DAB1: variants seen among roughly 807,000 people sequenced by gnomAD.
DAB1 encodes DAB adaptor protein 1.
A neutral mutation model predicts 64.6 loss-of-function variants in DAB1; 15 were observed. That is an observed-to-expected ratio of 0.23 (90% CI 0.16 to 0.36). DAB1 has a LOEUF of 0.36. Ranked by LOEUF, DAB1 falls within the 10% of genes least tolerant of loss-of-function variation. DAB1 has a pLI of 1.00. For synonymous variants in DAB1, 235 were observed against 251.9 expected (o/e 0.93, Z 0.64); for missense variants, 596 against 706.7 (o/e 0.84, Z 1.78).
chr1:58,352,056 G>A (rs1644063993), intron 3 of DAB1, among the ~76,000 whole-genome samples: 1 of 151,708 alleles, frequency 6.6e-6, no homozygotes, highest in Non-Finnish European at 1.5e-5. Context: ...TGAAGCCCTA[G>A]CCTCTCCTTT....
chr1:58,391,898 G>T (rs1018437921), intron 3 of DAB1, among the ~76,000 whole-genome samples: 2 of 152,234 alleles, frequency 1.3e-5, no homozygotes, highest in African/African-American at 4.8e-5. Flanking sequence ...TTTTATAACT[G>T]TAGTAGAAAC....
chr1:57,300,226 G>A (rs917828503), intron 1 of DAB1, among the ~76,000 whole-genome samples: 1 of 152,182 alleles, frequency 6.6e-6, no homozygotes, highest in Non-Finnish European at 1.5e-5. Context: ...CACTGTTCTA[G>A]ATGCTCAGAA....
At chr1:57,159,202 T>C (rs1660511245) in intron 2 of DAB1, among the ~76,000 whole-genome samples, 1 of 152,184 alleles carries the variant, frequency 6.6e-6, no homozygotes, top group Admixed American at 6.5e-5. Flanking sequence ...GGGTCTTTTA[T>C]TGTATTTGAA....
intron 7 of DAB1, among the ~76,000 whole-genome samples, chr1:57,478,491 A>G (rs1410071555): frequency 6.6e-6 from 1 of 151,480 alleles, no homozygotes; most frequent in East Asian, 2.0e-4. Context: ...CATTTTAATG[A>G]GTGCCTACTA....
intron 6 of DAB1, among the ~76,000 whole-genome samples, chr1:57,755,190 T>C (rs1648748191): frequency 6.6e-6 from 1 of 152,100 alleles, no homozygotes; most frequent in Non-Finnish European, 1.5e-5. Flanking sequence ...TGCACCTGAA[T>C]TTTAGGCCCA....
intron 4 of DAB1, among the ~76,000 whole-genome samples, chr1:58,227,004 C>T (rs1484739798): frequency 6.6e-6 from 1 of 152,220 alleles, no homozygotes; most frequent in South Asian, 2.1e-4. Flanking sequence ...CTCGAAAGCA[C>T]TCTGTAAGGC....
chr1:57,971,005 A>G (rs1645782967), intron 5 of DAB1, among the ~76,000 whole-genome samples: 1 of 152,156 alleles, frequency 6.6e-6, no homozygotes, highest in Non-Finnish European at 1.5e-5. Context: ...GTTTCAGGAC[A>G]TTTTTGCTTC....
chr1:57,098,718 T>A (rs191234361), intron 4 of DAB1, among the ~76,000 whole-genome samples: 1 of 152,300 alleles, frequency 6.6e-6, no homozygotes, highest in East Asian at 1.9e-4. Flanking sequence ...GAAGCAATGA[T>A]GGGGCCCATT....
intron 1 of DAB1, among the ~76,000 whole-genome samples, chr1:57,366,251 T>A (rs1679985507): frequency 6.6e-6 from 1 of 152,230 alleles, no homozygotes; most frequent in Non-Finnish European, 1.5e-5. Context: ...GTTTTACTTA[T>A]CAGGAAATTT....
At chr1:57,365,647 A>G (rs936086841) in intron 1 of DAB1, among the ~76,000 whole-genome samples, 1 of 152,056 alleles carries the variant, frequency 6.6e-6, no homozygotes, top group East Asian at 1.9e-4. Flanking sequence ...TGGAGAGGCC[A>G]TGATTCAAGT....
intron 5 of DAB1, among the ~76,000 whole-genome samples, chr1:57,948,441 G>A (rs1158776455): frequency 2.0e-5 from 3 of 152,210 alleles, no homozygotes; most frequent in Non-Finnish European, 4.4e-5. Context: ...AATGGCTCTT[G>A]TGGGCATTTG....
At chr1:58,375,818 C>T (rs1008279350) in intron 3 of DAB1, among the ~76,000 whole-genome samples, 1 of 145,958 alleles carries the variant, frequency 6.9e-6, no homozygotes, top group Non-Finnish European at 1.5e-5. Flanking sequence ...GTCCTGGACT[C>T]TTTTTGGTTG....
intron 1 of DAB1, among the ~76,000 whole-genome samples, chr1:57,835,606 C>T (rs1032701236): frequency 6.6e-6 from 1 of 152,190 alleles, no homozygotes; most frequent in Non-Finnish European, 1.5e-5. Flanking sequence ...CCAGAGTTCT[C>T]TTCTAGTCCT....
chr1:57,812,543 A>G (rs762235975), intron 6 of DAB1, among the ~76,000 whole-genome samples: 7 of 152,160 alleles, frequency 4.6e-5, no homozygotes, highest in Non-Finnish European at 1.0e-4. Flanking sequence ...ACAGACCCCA[A>G]GGAATTTGAC....
At chr1:57,118,545 T>C (rs1656350651) in intron 4 of DAB1, among the ~76,000 whole-genome samples, 1 of 152,156 alleles carries the variant, frequency 6.6e-6, no homozygotes, top group African/African-American at 2.4e-5. Flanking sequence ...TAAGGACCAA[T>C]GTATGAAGTT....
At chr1:57,808,287 G>A (rs1651462482) in intron 6 of DAB1, among the ~76,000 whole-genome samples, 1 of 151,590 alleles carries the variant, frequency 6.6e-6, no homozygotes, top group Non-Finnish European at 1.5e-5. Flanking sequence ...GTTTTCTCTG[G>A]TTAACTGTAA....
At chr1:57,013,668 TC>T (rs936421548) in intron 12 of DAB1, among the ~76,000 whole-genome samples, 2 of 152,150 alleles carry the variant, frequency 1.3e-5, no homozygotes, top group African/African-American at 4.8e-5. Flanking sequence ...GTGATCCATA[TC>T]ACCTGTGACA....
rs753805364 is a variant in DAB1 at position 57,197,763 on chromosome 1, A to T, written c.68-52334T>A. Among the ~76,000 whole-genome samples the T allele has an allele frequency of 3.5e-4, 53 of 152,330 alleles. No homozygotes were observed. The East Asian group carries it at 0.01, about 29-fold the overall frequency. The stretch of plus-strand genomic sequence containing the variant: ...TCACACATGGCAGACAGACACAAAG[A>T]CACAAAAAGGTTGAAGAAGACAAAA... On this transcript the variant is annotated intron_variant, in intron 2 of 14. Coordinates refer to ENST00000371236, the MANE Select transcript of DAB1 (RefSeq NM_001365792.1).
At chr1:58,157,324 T>C (rs1159387895) in intron 4 of DAB1, among the ~76,000 whole-genome samples, 1 of 152,164 alleles carries the variant, frequency 6.6e-6, no homozygotes, top group Non-Finnish European at 1.5e-5. Flanking sequence ...CTGCCCCTGG[T>C]GTGTGCCTTC....
Sources: allele counts gnomAD v4.1 joint callset (sites outside exome capture counted in the v4.1 genomes callset), GRCh38; gene constraint gnomAD v4.1.1; transcripts MANE v1.5; gene names NCBI Gene and HGNC (gene_info 2026-07-23, HGNC 2026-07-21).